The following SPARCL1 variants were observed in gnomAD, a reference collection of about 807,000 sequenced individuals.
The protein encoded by SPARCL1 is SPARC-like protein 1.
In SPARCL1, 52 loss-of-function variants were observed where a neutral mutation model predicts 67.1. The observed-to-expected ratio is 0.78, with a 90% confidence interval of 0.62 to 0.98. The LOEUF (loss-of-function observed/expected upper bound fraction) is 0.98, where lower values mean the gene tolerates loss of function less well. Ranked by LOEUF, SPARCL1 falls within the 50% of genes least tolerant of loss-of-function variation. The pLI, the probability that SPARCL1 is intolerant of heterozygous loss-of-function variation, is 0.00. For synonymous variants in SPARCL1, 226 were observed against 267.8 expected, an observed-to-expected ratio of 0.84 and a Z score of 1.52; for missense variants, 717 against 782.4, an observed-to-expected ratio of 0.92 and a Z score of 1.00.
intron 7 of SPARCL1, among the ~76,000 whole-genome samples, chr4:87,485,933 G>C (rs936580186): frequency 6.6e-6 from 1 of 151,706 alleles, no homozygotes; most frequent in Non-Finnish European, 1.5e-5. Context: ...ATTTTTTATT[G>C]TATCTATTTG....
At chr4:87,477,670 G>T (rs182146658) in intron 10 of SPARCL1, among the ~76,000 whole-genome samples, 1 of 152,184 alleles carries the variant, frequency 6.6e-6, no homozygotes, top group Non-Finnish European at 1.5e-5. Context: ...AGAGCCATGG[G>T]AGTGGGCTTA....
At chr4:87,475,480 C>T (rs1047875574) in intron 10 of SPARCL1, among the ~76,000 whole-genome samples, 3 of 152,148 alleles carry the variant, frequency 2.0e-5, no homozygotes, top group Admixed American at 2.0e-4. Context: ...GTGTTCAATC[C>T]TAGACCCCTT....
At chr4:87,476,384 C>CA (rs1257387600) in intron 10 of SPARCL1, among the ~76,000 whole-genome samples, 3 of 152,072 alleles carry the variant, frequency 2.0e-5, no homozygotes, top group African/African-American at 7.2e-5. Context: ...CCCCTTTGGT[C>CA]ACTCCCCTAG....
intron 1 of SPARCL1, among the ~76,000 whole-genome samples, chr4:87,522,918 A>G (rs1725885452): frequency 6.6e-6 from 1 of 152,164 alleles, no homozygotes; most frequent in Non-Finnish European, 1.5e-5. Flanking sequence ...AGTGCTTCCA[A>G]AGTTTCTTCA....
chr4:87,474,586 A>G (rs747086891), intron 10 of SPARCL1, among the ~76,000 whole-genome samples: 44 of 152,060 alleles, frequency 2.9e-4, no homozygotes, highest in Non-Finnish European at 5.9e-4. Context: ...GACCTTCACA[A>G]GATTCTCCTT....
intron 2 of SPARCL1, 88 bp from the exon 3 acceptor site, chr4:87,495,215 G>A (rs540742832): frequency 2.5e-5 from 27 of 1,076,180 alleles, no homozygotes; most frequent in Middle Eastern, 2.4e-4. Flanking sequence ...ATCATTATTA[G>A]TAGCAATATA....
chr4:87,521,651 A>G (rs982756677), intron 1 of SPARCL1, among the ~76,000 whole-genome samples: 1 of 152,208 alleles, frequency 6.6e-6, no homozygotes. Context: ...TTTGGGTTTC[A>G]AGGCAGATGA....
At chr4:87,514,846 C>T (rs1329665763) in intron 1 of SPARCL1, among the ~76,000 whole-genome samples, 1 of 152,168 alleles carries the variant, frequency 6.6e-6, no homozygotes, top group Non-Finnish European at 1.5e-5. Context: ...ATACTGAAGA[C>T]TCAGGGAGGC....
rs1395646331 is a variant in SPARCL1, at chr4:87,499,599, A to G, written c.-11-14T>C. The G allele has an allele frequency of 6.3e-7, 1 of 1,578,788 alleles. No individual in the cohort carries two copies. The highest frequency in any genetic ancestry group is 8.6e-7 in the Non-Finnish European group (1 of 1,167,818). ...TGCTTTCCAGATCTGTGAACCAAGA[A>G]GATAATTATCAGTGGCAGGGAAAAG... is the stretch of plus-strand genomic sequence containing the variant. On this transcript the variant is annotated splice_polypyrimidine_tract_variant and intron_variant, in intron 1 of 10. Coordinates refer to ENST00000282470, the MANE Select transcript of SPARCL1 (RefSeq NM_004684.6).
chr4:87,522,115 A>T (rs746106779), intron 1 of SPARCL1, among the ~76,000 whole-genome samples: 75 of 152,300 alleles, frequency 4.9e-4, no homozygotes, highest in Non-Finnish European at 3.5e-4. Flanking sequence ...TAAAGTATTA[A>T]TGAGTCTCTG....
At chr4:87,491,833 G>T in intron 4 of SPARCL1, 143 bp from the exon 5 acceptor site, 1 of 663,562 alleles carries the variant, frequency 1.5e-6, no homozygotes, top group Non-Finnish European at 2.7e-6. Context: ...GGCTGGGTGT[G>T]GTGGCTCACA....
At chr4:87,515,571 T>C (rs1040277984) in intron 1 of SPARCL1, among the ~76,000 whole-genome samples, 1 of 152,182 alleles carries the variant, frequency 6.6e-6, no homozygotes, top group Non-Finnish European at 1.5e-5. Context: ...TGAGGGATGA[T>C]AGGTAACTGG....
At chr4:87,478,072 T>C (rs552249816) in intron 10 of SPARCL1, among the ~76,000 whole-genome samples, 65 of 152,314 alleles carry the variant, frequency 4.3e-4, no homozygotes, top group Non-Finnish European at 6.8e-4. Flanking sequence ...AAATGAAGTA[T>C]GCACAAGTTA....
intron 1 of SPARCL1, among the ~76,000 whole-genome samples, chr4:87,504,164 T>TGTGC (rs1360241740): frequency 1.9e-5 from 2 of 105,720 alleles, no homozygotes; most frequent in Non-Finnish European, 3.8e-5. Context: ...TGTGTGTGTG[T>TGTGC]GTGTGTGTGT....
At position 87,473,793 on chromosome 4, in the gene SPARCL1, A is replaced by G. The variant is rs747306177; in HGVS notation, c.1977T>C (p.Asp659=). 194 of 1,608,384 alleles carry G rather than the reference A, an allele frequency of 1.2e-4. 2 individuals are homozygous for G. In the South Asian group the frequency reaches 1.7e-3, roughly 14 times the overall value. ...HCFGIKEEDI[D]ENLLF ...TCTTCGTTCAAAACAAGAGATTTTC[A>G]TCTATGTCCTCTATAAAAAAACAAG... Residue 659 remains aspartate (D), a synonymous_variant, in exon 11 of 11, where the codon GAT becomes GAC. Coordinates refer to ENST00000282470, the MANE Select transcript of SPARCL1 (RefSeq NM_004684.6).
Position 87,498,879 on chromosome 4 carries a change from A to ATT in SPARCL1, c.54+640_54+641dup, listed in dbSNP as rs5860078. Among the ~76,000 whole-genome samples, 154 of 148,006 alleles carry ATT rather than the reference A, an allele frequency of 1.0e-3. 2 individuals are homozygous for ATT. The highest frequency in any genetic ancestry group is 2.4e-3 in the African/African-American group (96 of 40,320). On this transcript the variant is annotated intron_variant, in intron 2 of 10. Coordinates refer to ENST00000282470, the MANE Select transcript of SPARCL1 (RefSeq NM_004684.6). ...GAGACCGTGGATATGCACCCTAAGT[A>ATT]TTTTTTTTTTTTCAGACGGAGTCTC...
intron 1 of SPARCL1, among the ~76,000 whole-genome samples, chr4:87,521,836 T>G (rs12507414): frequency 0.2 from 30,072 of 152,194 alleles, 3,445 homozygotes; most frequent in South Asian, 0.36. Flanking sequence ...AGGTATCTTC[T>G]GTTGAATTTG....
chr4:87,494,953 G>C (rs564864170), intron 3 of SPARCL1, 28 bp downstream of exon 3: 13 of 1,556,490 alleles, frequency 8.4e-6, no homozygotes, highest in Non-Finnish European at 1.1e-5. Context: ...TTAAAAAATT[G>C]TATTAATATA....
At chr4:87,477,476 T>C (rs1723628187) in intron 10 of SPARCL1, among the ~76,000 whole-genome samples, 1 of 152,220 alleles carries the variant, frequency 6.6e-6, no homozygotes, top group Admixed American at 6.5e-5. Context: ...GTGTGACCAA[T>C]AGAATGAGGC....
Sources: allele counts gnomAD v4.1 joint callset (sites outside exome capture counted in the v4.1 genomes callset), GRCh38; gene constraint gnomAD v4.1.1; transcripts MANE v1.5; gene names NCBI Gene and HGNC (gene_info 2026-07-23, HGNC 2026-07-21).